Variants in CHST9 observed in about 807,000 individuals in gnomAD.
CHST9 encodes the protein carbohydrate sulfotransferase 9.
A neutral mutation model predicts 44.4 loss-of-function variants in CHST9; 41 were observed. The ratio of observed to expected loss-of-function variants is 0.92; its 90% CI spans 0.72 to 1.20. The LOEUF (loss-of-function observed/expected upper bound fraction) is 1.20. Among genes scored for constraint, CHST9 ranks in the 50% most tolerant of loss-of-function variants. The pLI is 0.00. For missense variants in CHST9, 504 were observed against 516.5 expected, an observed-to-expected ratio of 0.98 and a Z score of 0.23; for synonymous variants, 171 against 178.4, an observed-to-expected ratio of 0.96 and a Z score of 0.33.
At chr18:27,011,029 T>C (rs890263940) in intron 4 of CHST9, among the ~76,000 whole-genome samples, 4 of 152,140 alleles carry the variant, frequency 2.6e-5, no homozygotes, top group African/African-American at 9.7e-5. Flanking sequence ...TAAAGGCTCC[T>C]GGTGATTTCT....
At chr18:27,042,099 A>C (rs891504300) in intron 3 of CHST9, among the ~76,000 whole-genome samples, 2 of 152,132 alleles carry the variant, frequency 1.3e-5, no homozygotes, top group African/African-American at 2.4e-5. Flanking sequence ...TCAGAACTAC[A>C]GGATGGAAAA....
chr18:26,974,605 T>C (rs1311603217), intron 4 of CHST9, among the ~76,000 whole-genome samples: 4 of 152,148 alleles, frequency 2.6e-5, no homozygotes, highest in African/African-American at 7.2e-5. Flanking sequence ...CCATCATCCA[T>C]GATCTCATCC....
intron 4 of CHST9, among the ~76,000 whole-genome samples, chr18:27,021,789 T>C (rs1164060617): frequency 6.6e-6 from 1 of 152,208 alleles, no homozygotes. Context: ...CCGTGTAAGC[T>C]ATGTGCTGTT....
At chr18:26,965,140 A>AT (rs1193740920) in intron 4 of CHST9, among the ~76,000 whole-genome samples, 2 of 152,280 alleles carry the variant, frequency 1.3e-5, no homozygotes, top group South Asian at 2.1e-4. Flanking sequence ...TTGGACCAGC[A>AT]TTTTTTGGGT....
chr18:27,051,928 T>G (rs933653268), intron 2 of CHST9, among the ~76,000 whole-genome samples: 1 of 152,162 alleles, frequency 6.6e-6, no homozygotes, highest in African/African-American at 2.4e-5. Context: ...GGGATCAGGG[T>G]CTGCTTCTCT....
chr18:27,171,537 T>C (rs1357195593), intron 1 of CHST9, among the ~76,000 whole-genome samples: 2 of 152,186 alleles, frequency 1.3e-5, no homozygotes. Flanking sequence ...TACATTTCAT[T>C]TTTATTTTCT....
chr18:27,094,550 G>A (rs1160804509), intron 2 of CHST9, among the ~76,000 whole-genome samples: 1 of 152,134 alleles, frequency 6.6e-6, no homozygotes, highest in Non-Finnish European at 1.5e-5. Context: ...TGATAATAAT[G>A]TGCAGTTACA....
At chr18:27,129,024 G>A (rs145030515) in intron 2 of CHST9, among the ~76,000 whole-genome samples, 1 of 152,248 alleles carries the variant, frequency 6.6e-6, no homozygotes, top group Non-Finnish European at 1.5e-5. Flanking sequence ...AGGCACAATG[G>A]CAAATGTTTA....
At chr18:27,168,360 C>G (rs2058808065) in intron 1 of CHST9, among the ~76,000 whole-genome samples, 1 of 152,134 alleles carries the variant, frequency 6.6e-6, no homozygotes, top group African/African-American at 2.4e-5. Context: ...AAGCGTGAGC[C>G]ACCGCGCCCA....
chr18:26,981,676 A>C (rs1272587559), intron 4 of CHST9, among the ~76,000 whole-genome samples: 4 of 152,208 alleles, frequency 2.6e-5, no homozygotes, highest in Non-Finnish European at 5.9e-5. Flanking sequence ...GCATGTGTAC[A>C]GTGCTTTGTA....
rs564505670 is a variant in CHST9 at position 27,142,893 on chromosome 18, T to C, written c.-84A>G. The C allele has an allele frequency of 2.5e-5, 32 of 1,285,916 alleles. No homozygotes were observed. In the South Asian group the frequency reaches 4.7e-4, roughly 19 times the overall value. The allele number at this position is 1,285,916 out of a possible 1,614,324, so 79.7% of individuals were successfully genotyped here. A position where few individuals can be genotyped will look rare whatever the true frequency, so the allele number is the denominator to read the frequency against. On this transcript the variant is annotated 5_prime_UTR_variant, in exon 2 of 6. Transcript: ENST00000618847. ...TTTTCTTGTTCTCTAAGAGCCCAAT[T>C]CCATAAAGTAACCTAGAATTTTAAA... is the stretch of plus-strand genomic sequence containing the variant.
intron 2 of CHST9, among the ~76,000 whole-genome samples, chr18:27,050,578 A>T (rs1009702775): frequency 1.3e-5 from 2 of 152,172 alleles, no homozygotes; most frequent in East Asian, 3.9e-4. Flanking sequence ...CGCTGCCAAA[A>T]GTGTAGAATT....
At chr18:27,157,134 C>A (rs1348500597) in intron 1 of CHST9, among the ~76,000 whole-genome samples, 1 of 152,064 alleles carries the variant, frequency 6.6e-6, no homozygotes, top group Non-Finnish European at 1.5e-5. Flanking sequence ...CTTCCTTATG[C>A]CAGATATGTG....
chr18:26,993,040 A>G (rs530468502), intron 4 of CHST9, among the ~76,000 whole-genome samples: 2 of 152,174 alleles, frequency 1.3e-5, no homozygotes, highest in Non-Finnish European at 2.9e-5. Context: ...CATTAAGAAC[A>G]TTTGTCTACT....
intron 2 of CHST9, among the ~76,000 whole-genome samples, chr18:27,134,091 C>T (rs1204829395): frequency 2.0e-5 from 3 of 151,960 alleles, no homozygotes; most frequent in African/African-American, 7.3e-5. Context: ...ACAGAGATAA[C>T]CTGAAAGAAA....
At chr18:26,989,040 A>C (rs898499829) in intron 4 of CHST9, among the ~76,000 whole-genome samples, 1 of 152,132 alleles carries the variant, frequency 6.6e-6, no homozygotes, top group Non-Finnish European at 1.5e-5. Flanking sequence ...ATATAAGAAA[A>C]AAAGAAAAGT....
chr18:27,164,158 A>C (rs1478820380), intron 1 of CHST9, among the ~76,000 whole-genome samples: 1 of 152,224 alleles, frequency 6.6e-6, no homozygotes, highest in Non-Finnish European at 1.5e-5. Flanking sequence ...AGATTATCAG[A>C]ACAAAAGTGA....
intron 2 of CHST9, among the ~76,000 whole-genome samples, chr18:27,087,581 T>C (rs2058025009): frequency 6.6e-6 from 1 of 152,210 alleles, no homozygotes; most frequent in African/African-American, 2.4e-5. Context: ...TTTGCAAATT[T>C]GTAACAATTG....
At chr18:27,086,265 G>C (rs2058011555) in intron 2 of CHST9, among the ~76,000 whole-genome samples, 1 of 152,088 alleles carries the variant, frequency 6.6e-6, no homozygotes, top group Non-Finnish European at 1.5e-5. Context: ...AACCTAAAAT[G>C]AAAGTTGGAA....
Sources: allele counts gnomAD v4.1 joint callset (sites outside exome capture counted in the v4.1 genomes callset), GRCh38; gene constraint gnomAD v4.1.1; transcripts MANE v1.5; gene names NCBI Gene and HGNC (gene_info 2026-07-23, HGNC 2026-07-21).